BRD10: variants seen among roughly 807,000 people sequenced by gnomAD.
BRD10 encodes uncharacterized bromodomain-containing protein 10.
chr9:5,890,106 A>T, the BRD10 span, among the ~76,000 whole-genome samples: 2 of 152,252 alleles, frequency 1.3e-5, no homozygotes, highest in East Asian at 3.9e-4. Flanking sequence ...TTTGAGATGG[A>T]GATGAGGGAG....
the BRD10 span, among the ~76,000 whole-genome samples, chr9:5,927,821 A>C: frequency 6.6e-6 from 1 of 152,118 alleles, no homozygotes; most frequent in Non-Finnish European, 1.5e-5. Flanking sequence ...TGGAAGGTCT[A>C]ATGCTCGCTT....
At chr9:5,917,789 G>T in the BRD10 span, among the ~76,000 whole-genome samples, 16 of 152,318 alleles carry the variant, frequency 1.1e-4, no homozygotes, top group African/African-American at 3.8e-4. Context: ...GGAGGCAGAG[G>T]TTGCAGTGAG....
At chr9:5,932,717 G>C in the BRD10 span, among the ~76,000 whole-genome samples, 1 of 152,096 alleles carries the variant, frequency 6.6e-6, no homozygotes, top group South Asian at 2.1e-4. Context: ...GACAGAAGCA[G>C]CCATTAGACT....
chr9:5,936,112 T>C, the BRD10 span, among the ~76,000 whole-genome samples: 1 of 152,148 alleles, frequency 6.6e-6, no homozygotes, highest in East Asian at 1.9e-4. Context: ...TCGCAGCATT[T>C]TGGGAGGCAG....
the BRD10 span, among the ~76,000 whole-genome samples, chr9:5,881,398 G>C: frequency 6.6e-6 from 1 of 152,214 alleles, no homozygotes; most frequent in Non-Finnish European, 1.5e-5. Context: ...AGTGCCTCCA[G>C]AGACACGGGG....
At chr9:6,004,794 C>T in the BRD10 span, among the ~76,000 whole-genome samples, 3 of 152,156 alleles carry the variant, frequency 2.0e-5, no homozygotes, top group Non-Finnish European at 4.4e-5. Context: ...AGTTGCATTT[C>T]AAACAGTTGT....
the BRD10 span, among the ~76,000 whole-genome samples, chr9:5,955,042 C>T: frequency 2.6e-5 from 4 of 151,860 alleles, no homozygotes; most frequent in African/African-American, 7.3e-5. Context: ...GAGCCAAGAT[C>T]GCACCATTGT....
chr9:5,971,548 G>C, the BRD10 span, among the ~76,000 whole-genome samples: 288 of 152,166 alleles, frequency 1.9e-3, 1 homozygote, highest in African/African-American at 6.7e-3. Context: ...ACACTACTTT[G>C]GCAAATATCA....
chr9:5,957,395 C>T, the BRD10 span, among the ~76,000 whole-genome samples: 1 of 152,108 alleles, frequency 6.6e-6, no homozygotes, highest in Non-Finnish European at 1.5e-5. Flanking sequence ...TACCATGTGC[C>T]AAGCTCCAAG....
At chr9:5,915,194 C>G in the BRD10 span, among the ~76,000 whole-genome samples, 4 of 152,182 alleles carry the variant, frequency 2.6e-5, no homozygotes, top group East Asian at 1.9e-4. Context: ...TCAACAGTTT[C>G]TGTCTCATCT....
chr9:6,001,898 T>C, the BRD10 span, among the ~76,000 whole-genome samples: 9 of 152,206 alleles, frequency 5.9e-5, no homozygotes, highest in African/African-American at 2.2e-4. Flanking sequence ...ACCTAAAATC[T>C]GAAAGTGATT....
At chr9:5,879,536 A>G in the BRD10 span, among the ~76,000 whole-genome samples, 1 of 152,182 alleles carries the variant, frequency 6.6e-6, no homozygotes, top group Admixed American at 6.5e-5. Context: ...CCCAATCCCA[A>G]TCCCCAATGC....
the BRD10 span, among the ~76,000 whole-genome samples, chr9:5,993,327 AAAAAAAAAAC>A: frequency 1.3e-5 from 2 of 151,140 alleles, no homozygotes; most frequent in Admixed American, 6.6e-5. Context: ...AAAAAAAAAA[AAAAAAAAAAC>A]AACTAAATGA....
chr9:6,005,651 G>C, the BRD10 span, among the ~76,000 whole-genome samples: 2 of 152,160 alleles, frequency 1.3e-5, no homozygotes, highest in Non-Finnish European at 2.9e-5. Context: ...TAGATTAGAT[G>C]AACTCTAAGG....
the BRD10 span, among the ~76,000 whole-genome samples, chr9:5,902,258 T>TA: frequency 2.0e-5 from 3 of 152,348 alleles, no homozygotes; most frequent in Non-Finnish European, 4.4e-5. Flanking sequence ...AAAGAATTGT[T>TA]ACATTCACCT....
At chr9:5,968,528 T>C in the BRD10 span, 30 of 1,613,286 alleles carry the variant, frequency 1.9e-5, no homozygotes, top group South Asian at 2.1e-4. Flanking sequence ...AATTTCATAG[T>C]TGGATTTTAC....
the BRD10 span, among the ~76,000 whole-genome samples, chr9:5,975,070 A>T: frequency 6.6e-6 from 1 of 152,212 alleles, no homozygotes; most frequent in East Asian, 1.9e-4. Context: ...CTAGGCATGC[A>T]ACAATGCAGA....
At chr9:5,907,981 A>G in the BRD10 span, among the ~76,000 whole-genome samples, 6 of 152,320 alleles carry the variant, frequency 3.9e-5, no homozygotes, top group East Asian at 1.9e-4. Context: ...ATAAAATTAC[A>G]TAAGTGGCTT....
the BRD10 span, among the ~76,000 whole-genome samples, chr9:5,988,868 G>A: frequency 1.3e-5 from 2 of 152,150 alleles, no homozygotes; most frequent in East Asian, 1.9e-4. Context: ...TTATTGGTAC[G>A]AGAAAATGTA....
Sources: gnomAD v4.1 joint callset for allele counts (sites outside exome capture counted in the v4.1 genomes callset) on GRCh38, gnomAD v4.1.1 for gene constraint, MANE v1.5 for transcripts, NCBI Gene and HGNC (gene_info 2026-07-23, HGNC 2026-07-21) for gene names.